Variants in SPSB4 observed in about 807,000 individuals in gnomAD.
SPSB4 encodes SPRY domain-containing SOCS box protein 4.
In SPSB4, 21 loss-of-function variants were observed where a neutral mutation model predicts 20.9. The observed-to-expected ratio is 1.01, with a 90% CI of 0.71 to 1.45. The LOEUF (loss-of-function observed/expected upper bound fraction) is 1.45, where lower values mean the gene tolerates loss of function less well. Among genes scored for constraint, SPSB4 ranks in the 40% most tolerant of loss-of-function variants. SPSB4 has a pLI of 0.00. For missense variants in SPSB4, 399 were observed against 399.2 expected (o/e 1.00, Z 0.00); for synonymous variants, 207 against 183.8 (o/e 1.13, Z -1.02).
chr3:141,101,437 C>T (rs949953246), intron 2 of SPSB4, among the ~76,000 whole-genome samples: 4 of 152,182 alleles, frequency 2.6e-5, no homozygotes, highest in Admixed American at 1.3e-4. Flanking sequence ...CCTCGCTCTG[C>T]AGCTGGGGCA....
intron 2 of SPSB4, among the ~76,000 whole-genome samples, chr3:141,098,610 T>C (rs1052180394): frequency 2.0e-5 from 3 of 152,258 alleles, no homozygotes; most frequent in Non-Finnish European, 4.4e-5. Context: ...GATGATTTTT[T>C]GTTACCAATT....
chr3:141,080,682 C>A (rs2107786442), intron 2 of SPSB4, among the ~76,000 whole-genome samples: 1 of 152,338 alleles, frequency 6.6e-6, no homozygotes, highest in East Asian at 1.9e-4. Flanking sequence ...GCCCTTGTCA[C>A]CACCATGCTG....
At chr3:141,058,557 T>C (rs1247569026) in intron 1 of SPSB4, among the ~76,000 whole-genome samples, 1 of 152,166 alleles carries the variant, frequency 6.6e-6, no homozygotes, top group Non-Finnish European at 1.5e-5. Flanking sequence ...GTATGTCCCA[T>C]GTGCCTGGCC....
chr3:141,107,967 AAAAT>A (rs767723848), intron 2 of SPSB4, among the ~76,000 whole-genome samples: 4 of 116,088 alleles, frequency 3.4e-5, no homozygotes, highest in African/African-American at 1.5e-4. Flanking sequence ...AAAAAAAAAT[AAAAT>A]AAAAGATTTT....
In SPSB4 at chr3:141,112,644, C is replaced by CAAAAAAAAAAAA. The variant is rs60396514; in HGVS notation, c.695-34484_695-34473dup. Among the ~76,000 whole-genome samples the CAAAAAAAAAAAA allele has an allele frequency of 7.9e-4, 26 of 32,864 alleles. 1 individual carries two copies. The highest frequency in any genetic ancestry group is 2.5e-3 in the African/African-American group (22 of 8,658). 21.6% of individuals were successfully genotyped at this position (32,864 alleles called of 152,430 possible). A position where few individuals can be genotyped will look rare whatever the true frequency, so the allele number is the denominator to read the frequency against. ...TGGGCGACAGAGCGAGACTCCGTCT[C>CAAAAAAAAAAAA]AAAAAAAAAAAAAAAAAAAAAAAAA... is the stretch of plus-strand genomic sequence containing the variant. On this transcript the variant is annotated intron_variant, in intron 2 of 2. Coordinates refer to ENST00000310546, the MANE Select transcript of SPSB4 (RefSeq NM_080862.3).
At chr3:141,134,030 C>CTTTTCTTTTTTTTTTTTTTTT (rs1939181575) in intron 2 of SPSB4, among the ~76,000 whole-genome samples, 1 of 37,772 alleles carries the variant, frequency 2.6e-5, no homozygotes, top group Admixed American at 2.5e-4. Context: ...TTTTTTTTTT[C>CTTTTCTTTTTTTTTTTTTTTT]TTTTCTTTTT....
chr3:141,141,137 G>A lies in SPSB4; in HGVS notation c.695-6005G>A, dbSNP rs560392276. Among the ~76,000 whole-genome samples, 10 of 152,368 alleles carry A rather than the reference G, an allele frequency of 6.6e-5. No homozygotes were observed. In the East Asian group the frequency reaches 1.2e-3, roughly 18 times the overall value. On this transcript the variant is annotated intron_variant, in intron 2 of 2. Coordinates refer to ENST00000310546, the MANE Select transcript of SPSB4 (RefSeq NM_080862.3). ...GCATAGGACCCTCCGAGCCAGGTGCGGGATATAATCTCCTGGTGTGCCGTT... is the reference window on the plus strand; with the variant it reads ...GCATAGGACCCTCCGAGCCAGGTGCAGGATATAATCTCCTGGTGTGCCGTT...
At position 141,051,966 on chromosome 3, in the gene SPSB4, G is replaced by C. The variant is rs1936100004; in HGVS notation, c.-180G>C. 6.6e-6 allele frequency: 1 copy of C among 152,272 alleles called. No homozygotes were observed. The highest frequency in any genetic ancestry group is 1.5e-5 in the Non-Finnish European group (1 of 68,100). 9.4% of individuals were successfully genotyped at this position (152,272 alleles called of 1,614,324 possible). A position where few individuals can be genotyped will look rare whatever the true frequency, so the allele number is the denominator to read the frequency against. ...CCTGCCAGCGCTGGGGATTCTTCCC[G>C]AACAGGCGCTTGCCCTCTCTTTTAT... On this transcript the variant is annotated 5_prime_UTR_variant, in exon 1 of 3. Coordinates refer to ENST00000310546, the MANE Select transcript of SPSB4 (RefSeq NM_080862.3).
intron 1 of SPSB4, among the ~76,000 whole-genome samples, chr3:141,064,906 G>A (rs976447316): frequency 6.6e-6 from 1 of 152,170 alleles, no homozygotes; most frequent in African/African-American, 2.4e-5. Flanking sequence ...GCAGTCTGGG[G>A]TCAGTGCTGT....
intron 2 of SPSB4, among the ~76,000 whole-genome samples, chr3:141,137,766 T>C (rs1392683692): frequency 1.3e-5 from 2 of 152,252 alleles, no homozygotes; most frequent in Admixed American, 6.5e-5. Flanking sequence ...TTTGCATCAA[T>C]GTTCATCAAG....
At chr3:141,101,265 G>A (rs1281018979) in intron 2 of SPSB4, among the ~76,000 whole-genome samples, 1 of 152,220 alleles carries the variant, frequency 6.6e-6, no homozygotes, top group African/African-American at 2.4e-5. Flanking sequence ...CCTGGCCAGA[G>A]TGATCTGAGG....
At chr3:141,059,087 C>T (rs977689010) in intron 1 of SPSB4, among the ~76,000 whole-genome samples, 11 of 152,126 alleles carry the variant, frequency 7.2e-5, no homozygotes, top group Admixed American at 3.3e-4. Context: ...GAGGAATGCC[C>T]TCAAGGTAGA....
intron 2 of SPSB4, among the ~76,000 whole-genome samples, chr3:141,110,918 G>C (rs1346715749): frequency 1.3e-5 from 2 of 152,200 alleles, no homozygotes; most frequent in African/African-American, 4.8e-5. Flanking sequence ...AGATCCCACG[G>C]CTCCAAAGTG....
At chr3:141,112,212 T>C (rs1938810166) in intron 2 of SPSB4, among the ~76,000 whole-genome samples, 1 of 151,926 alleles carries the variant, frequency 6.6e-6, no homozygotes, top group African/African-American at 2.4e-5. Flanking sequence ...ATGCCAAGGG[T>C]TGTTATGAGG....
intron 1 of SPSB4, among the ~76,000 whole-genome samples, chr3:141,052,862 G>A (rs1936119749): frequency 6.6e-6 from 1 of 152,208 alleles, no homozygotes; most frequent in Non-Finnish European, 1.5e-5. Flanking sequence ...GGGGCTCCAA[G>A]CCAGAAGGGG....
chr3:141,053,675 A>G (rs1043265888), intron 1 of SPSB4, among the ~76,000 whole-genome samples: 3 of 152,214 alleles, frequency 2.0e-5, no homozygotes, highest in Admixed American at 1.3e-4. Context: ...TAGAAATGAT[A>G]CCAAAACATA....
At chr3:141,098,992 TC>T (rs1321841627) in intron 2 of SPSB4, among the ~76,000 whole-genome samples, 1 of 152,134 alleles carries the variant, frequency 6.6e-6, no homozygotes, top group Admixed American at 6.5e-5. Context: ...GGGCCAGACA[TC>T]CTTTTATCAG....
At chr3:141,127,432 G>A (rs753934316) in intron 2 of SPSB4, among the ~76,000 whole-genome samples, 2 of 152,196 alleles carry the variant, frequency 1.3e-5, no homozygotes, top group Non-Finnish European at 2.9e-5. Context: ...CTGCCCTTGG[G>A]CCTGGTTCAG....
At chr3:141,145,412 C>T (rs1939397819) in intron 2 of SPSB4, among the ~76,000 whole-genome samples, 1 of 151,980 alleles carries the variant, frequency 6.6e-6, no homozygotes, top group Non-Finnish European at 1.5e-5. Context: ...AACTCTGCAG[C>T]TCAGGTAAAT....
Sources: allele counts gnomAD v4.1 joint callset (sites outside exome capture counted in the v4.1 genomes callset), GRCh38; gene constraint gnomAD v4.1.1; transcripts MANE v1.5; gene names NCBI Gene and HGNC (gene_info 2026-07-23, HGNC 2026-07-21).